SLBP: variants seen among roughly 807,000 people sequenced by gnomAD.
SLBP encodes stem-loop histone mRNA binding protein, also known as histone RNA hairpin-binding protein.
Under a neutral mutation model 39.2 loss-of-function variants are expected in SLBP, and 29 were observed. The ratio of observed to expected loss-of-function variants is 0.74; its 90% CI spans 0.55 to 1.01. The LOEUF is 1.01. Among genes scored for constraint, SLBP ranks in the 50% least tolerant of loss-of-function variants. The pLI is 0.00. For missense variants in SLBP, 390 were observed against 350.2 expected, an observed-to-expected ratio of 1.11 and a Z score of -0.91; for synonymous variants, 129 against 118.7, an observed-to-expected ratio of 1.09 and a Z score of -0.57.
intron 7 of SLBP, among the ~76,000 whole-genome samples, chr4:1,694,152 G>A (rs1402501700): frequency 6.6e-6 from 1 of 152,146 alleles, no homozygotes; most frequent in African/African-American, 2.4e-5. Context: ...GTACAATTTC[G>A]GCTCATTGCC....
chr4:1,706,748 G>A (rs1716531341), intron 2 of SLBP, among the ~76,000 whole-genome samples: 1 of 152,158 alleles, frequency 6.6e-6, no homozygotes, highest in Non-Finnish European at 1.5e-5. Context: ...GGAAGTTGCA[G>A]TGATCCACCA....
rs920878066 is a variant in SLBP, at chr4:1,711,774, C to T, written c.176+100G>A. On this transcript the variant is annotated intron_variant, in intron 2 of 7. Coordinates refer to ENST00000489418, the MANE Select transcript of SLBP (RefSeq NM_006527.4). ...AAGATAAAAGGACGCAGGGTGCCGA[C>T]CTGACCGATCCCGGCACCGCGAGAG... 4 of 578,692 alleles carry T rather than the reference C, an allele frequency of 6.9e-6. No homozygotes were observed. In the African/African-American group the frequency reaches 7.8e-5, roughly 11 times the overall value. The allele number at this position is 578,692 out of a possible 1,614,324, so 35.8% of individuals were successfully genotyped here. A position where few individuals can be genotyped will look rare whatever the true frequency, so the allele number is the denominator to read the frequency against.
At position 1,700,058 on chromosome 4, in the gene SLBP, T is replaced by C. The variant is rs544984731; in HGVS notation, c.294A>G (p.Lys98=). 2 of 1,596,960 alleles carry C rather than the reference T, an allele frequency of 1.3e-6. No individual in the cohort carries two copies. Among genetic ancestry groups the C allele is most frequent in the Non-Finnish European group, 1.7e-6 (2 of 1,167,246 alleles). Residue 98 remains lysine (K), a synonymous_variant, in exon 4 of 8, where the codon AAA becomes AAG. Coordinates refer to ENST00000489418, the MANE Select transcript of SLBP (RefSeq NM_006527.4). ...CTCTTCCAAAGTCATTGATGAGGAG[T>C]TTCCTTTTATATCTGAGGGCAAAAT... The part of the protein sequence containing the change: ...VNKEMARYKR[K]LLINDFGRER...
At position 1,694,777 on chromosome 4, in the gene SLBP, G is replaced by T. The variant is rs758154196; in HGVS notation, c.693C>A (p.Asp231Glu). Residue 231 changes from aspartate to glutamate, a missense_variant, in exon 7 of 8, where the codon GAC becomes GAA. Transcript: ENST00000489418. Reference sequence around the variant, plus strand: ...AAGACTTATCCAAAGTACTTACAAAGTCATCCTGAGAGCTGGTCTGGGGCT... The same window carrying T: ...AAGACTTATCCAAAGTACTTACAAATTCATCCTGAGAGCTGGTCTGGGGCT... ...SSEPQTSSQD[D>E]FDVYSGTPTK... The T allele has an allele frequency of 6.2e-7, 1 of 1,610,554 alleles. No individual in the cohort carries two copies. Among genetic ancestry groups the T allele is most frequent in the Non-Finnish European group, 8.5e-7 (1 of 1,176,732 alleles).
intron 3 of SLBP, 27 bp downstream of exon 3, chr4:1,703,569 C>T: frequency 1.5e-6 from 2 of 1,367,464 alleles, no homozygotes; most frequent in Non-Finnish European, 2.1e-6. Context: ...CACAGATTAA[C>T]ACTTCAAGGT....
intron 5 of SLBP, among the ~76,000 whole-genome samples, chr4:1,697,829 G>C (rs1470453262): frequency 6.6e-6 from 1 of 152,104 alleles, no homozygotes; most frequent in African/African-American, 2.4e-5. Flanking sequence ...GGACTAGAGT[G>C]AAACTCGGTC....
intron 5 of SLBP, among the ~76,000 whole-genome samples, chr4:1,698,537 T>C (rs914611707): frequency 8.6e-5 from 13 of 150,320 alleles, no homozygotes; most frequent in African/African-American, 3.2e-4. Context: ...CAGGCTGGAG[T>C]GCAGTGGTGC....
intron 5 of SLBP, among the ~76,000 whole-genome samples, chr4:1,697,485 TA>T (rs1716155289): frequency 6.6e-6 from 1 of 151,188 alleles, no homozygotes; most frequent in South Asian, 2.1e-4. Flanking sequence ...AATAAATAAA[TA>T]AAAAATCAAC....
At chr4:1,707,015 C>T (rs530495549) in intron 2 of SLBP, among the ~76,000 whole-genome samples, 923 of 151,020 alleles carry the variant, frequency 6.1e-3, no homozygotes, top group South Asian at 0.032. Context: ...GTCAGGAGAT[C>T]GAGACCATCC....
chr4:1,697,402 G>A (rs977969989), intron 5 of SLBP, among the ~76,000 whole-genome samples: 2 of 152,000 alleles, frequency 1.3e-5, no homozygotes, highest in African/African-American at 4.8e-5. Flanking sequence ...CCATGAGGCG[G>A]AGGTTGCAGT....
chr4:1,712,020 C>T (rs757976677), intron 1 of SLBP, 30 bp from the exon 2 acceptor site: 3 of 1,267,402 alleles, frequency 2.4e-6, no homozygotes, highest in Admixed American at 8.4e-5. Flanking sequence ...CGGCTGGGCA[C>T]GGGAGGTTCG....
chr4:1,711,168 T>C (rs1417281769), intron 2 of SLBP, among the ~76,000 whole-genome samples: 1 of 151,830 alleles, frequency 6.6e-6, no homozygotes, highest in Non-Finnish European at 1.5e-5. Flanking sequence ...TTTTTTTCCT[T>C]TCACGCCTCC....
chr4:1,703,254 G>A (rs948175585), intron 3 of SLBP, among the ~76,000 whole-genome samples: 32 of 118,414 alleles, frequency 2.7e-4, no homozygotes, highest in Admixed American at 1.9e-3. Flanking sequence ...AAAAAAAAAA[G>A]AAAGTTAGTT....
At position 1,693,492 on chromosome 4, in the gene SLBP, A is replaced by T; in HGVS notation, c.*105T>A. On this transcript the variant is annotated 3_prime_UTR_variant, in exon 8 of 8. Transcript: ENST00000489418. The stretch of plus-strand genomic sequence containing the variant: ...ATTCAGCATGAGCTAATGGACTGCT[A>T]ACAGAGAAACCACCAGGTACAAGTG... 1 of 722,542 alleles carries T rather than the reference A, an allele frequency of 1.4e-6. No homozygotes were observed. Among genetic ancestry groups the T allele is most frequent in the Non-Finnish European group, 2.5e-6 (1 of 399,028 alleles). 44.8% of individuals were successfully genotyped at this position (722,542 alleles called of 1,614,324 possible).
In SLBP at chr4:1,707,652, A is replaced by G. The variant is rs74499130; in HGVS notation, c.177-3952T>C. Among the ~76,000 whole-genome samples the G allele has an allele frequency of 2.8e-3, 428 of 152,234 alleles. 14 individuals carry two copies. The East Asian group carries it at 0.073, about 26-fold the overall frequency. ...TTTCTGTTGATCACTACTGACATTA[A>G]AACTAGATACTGGGCCGGGTGCACA... On this transcript the variant is annotated intron_variant, in intron 2 of 7. Transcript: ENST00000489418.
chr4:1,711,894 G>A lies in SLBP; in HGVS notation c.156C>T (p.Gly52=), dbSNP rs892779010. 7 of 1,363,316 alleles carry A rather than the reference G, an allele frequency of 5.1e-6. No individual in the cohort carries two copies. In the African/African-American group the frequency reaches 9.1e-5, roughly 18 times the overall value. The allele number at this position is 1,363,316 out of a possible 1,614,324, so 84.5% of individuals were successfully genotyped here. A position where few individuals can be genotyped will look rare whatever the true frequency, so the allele number is the denominator to read the frequency against. The change falls in exon 2 of 8, where the codon GGC becomes GGT. Residue 52 remains glycine, a synonymous_variant. Transcript: ENST00000489418. ...CCCACCTCTCGGGTCTGCGCTCGGC[G>A]CCGCGGTGCTCTGCCTCCTCGGCGT... The part of the protein sequence containing the change: ...PEDAEEAEHR[G]AERRPESFTT...
intron 2 of SLBP, among the ~76,000 whole-genome samples, chr4:1,706,413 G>C (rs1716519411): frequency 6.6e-6 from 1 of 152,206 alleles, no homozygotes; most frequent in African/African-American, 2.4e-5. Flanking sequence ...TCCTTGCTGT[G>C]TCAGGACTCC....
At chr4:1,711,758 G>C in intron 2 of SLBP, 116 bp downstream of exon 2, 1 of 485,068 alleles carries the variant, frequency 2.1e-6, no homozygotes, top group Non-Finnish European at 3.3e-6. Context: ...CAAGATAAAA[G>C]GACGCAGGGT....
At chr4:1,697,295 C>T (rs989751820) in intron 5 of SLBP, among the ~76,000 whole-genome samples, 2 of 150,462 alleles carry the variant, frequency 1.3e-5, no homozygotes, top group African/African-American at 4.9e-5. Context: ...GGGTGAAACC[C>T]TGTCTCCACT....
Sources: allele counts gnomAD v4.1 joint callset (sites outside exome capture counted in the v4.1 genomes callset), GRCh38; gene constraint gnomAD v4.1.1; transcripts MANE v1.5; gene names NCBI Gene and HGNC (gene_info 2026-07-23, HGNC 2026-07-21).